The following ALG9 variants were observed in gnomAD, a reference collection of about 807,000 sequenced individuals.
ALG9 encodes alpha-1,2-mannosyltransferase ALG9.
ALG9 carries 55 observed loss-of-function variants against 81.8 expected under a neutral mutation model. That is an observed-to-expected ratio of 0.67 (90% confidence interval 0.54 to 0.84). The LOEUF (loss-of-function observed/expected upper bound fraction) is 0.84, where lower values mean the gene tolerates loss of function less well. Among genes scored for constraint, ALG9 ranks in the 40% least tolerant of loss-of-function variants. The probability of loss-of-function intolerance (pLI) is 0.00; values close to 1 mark genes in which losing one functional copy is unlikely to be tolerated. For synonymous variants in ALG9, 278 were observed against 274.3 expected (o/e 1.01, Z -0.13); for missense variants, 629 against 745.0 (o/e 0.84, Z 1.81).
At chr11:111,775,595 T>TA in the ALG9 span, among the ~76,000 whole-genome samples, 3 of 152,050 alleles carry the variant, frequency 2.0e-5, no homozygotes, top group Admixed American at 1.3e-4. Context: ...AAGAAGGTGA[T>TA]AAAAAACTGA....
At chr11:111,811,901 C>G (rs1448538628) in intron 13 of ALG9, among the ~76,000 whole-genome samples, 1 of 151,960 alleles carries the variant, frequency 6.6e-6, no homozygotes, top group African/African-American at 2.4e-5. Flanking sequence ...TAATAAAAAT[C>G]TTCTAAACTT....
chr11:111,831,455 G>A (rs1954363176), intron 13 of ALG9, among the ~76,000 whole-genome samples: 1 of 152,128 alleles, frequency 6.6e-6, no homozygotes, highest in African/African-American at 2.4e-5. Flanking sequence ...CTATGATGAT[G>A]ACACTGCACT....
intron 8 of ALG9, among the ~76,000 whole-genome samples, chr11:111,852,959 A>T (rs1958063894): frequency 6.6e-6 from 1 of 151,196 alleles, no homozygotes; most frequent in Admixed American, 6.6e-5. Context: ...AAAAAAAAAA[A>T]TGTCTGGGGT....
chr11:111,836,682 T>C (rs888203710), intron 12 of ALG9: 1 of 264,110 alleles, frequency 3.8e-6, no homozygotes, highest in South Asian at 4.2e-5. Context: ...GAACACACTA[T>C]GGGAGAAATA....
chr11:111,786,570 C>T, intron 14 of ALG9, 50 bp from the exon 15 acceptor site: 2 of 1,577,568 alleles, frequency 1.3e-6, no homozygotes, highest in Non-Finnish European at 1.7e-6. Context: ...GGAGAATTTA[C>T]TAATGGTACT....
intron 13 of ALG9, among the ~76,000 whole-genome samples, chr11:111,813,545 T>C (rs1951047439): frequency 6.6e-6 from 1 of 152,070 alleles, no homozygotes; most frequent in Non-Finnish European, 1.5e-5. Flanking sequence ...GAGGTTGCAG[T>C]GAGTCAAAAA....
At chr11:111,858,175 T>C (rs1205396947) in intron 5 of ALG9, among the ~76,000 whole-genome samples, 1 of 152,158 alleles carries the variant, frequency 6.6e-6, no homozygotes, top group East Asian at 1.9e-4. Flanking sequence ...GACCTCGTGA[T>C]CTGCCTGTCT....
chr11:111,866,695 C>G (rs1177010980), intron 3 of ALG9, among the ~76,000 whole-genome samples: 1 of 151,246 alleles, frequency 6.6e-6, no homozygotes, highest in East Asian at 1.9e-4. Flanking sequence ...TGAAGTGATA[C>G]TAGATAGCCA....
intron 14 of ALG9, among the ~76,000 whole-genome samples, chr11:111,790,404 G>C (rs1448093164): frequency 6.6e-6 from 1 of 152,168 alleles, no homozygotes; most frequent in African/African-American, 2.4e-5. Context: ...GTACATGAAA[G>C]AATTGCTTGG....
intron 14 of ALG9, among the ~76,000 whole-genome samples, chr11:111,795,503 G>A (rs1555074543): frequency 1.3e-5 from 2 of 152,320 alleles, no homozygotes; most frequent in African/African-American, 4.8e-5. Context: ...ATACCCCGCA[G>A]GTGGCCGTTT....
In ALG9 at chr11:111,870,137, G is replaced by A. The variant is rs149310071; in HGVS notation, c.270+95C>T. 522 of 1,277,702 alleles carry A rather than the reference G, an allele frequency of 4.1e-4. 3 individuals carry two copies. In the African/African-American group the frequency reaches 7.4e-3, roughly 18 times the overall value. 79.1% of individuals were successfully genotyped at this position (1,277,702 alleles called of 1,614,324 possible). A position where few individuals can be genotyped will look rare whatever the true frequency, so the allele number is the denominator to read the frequency against. On this transcript the variant is annotated intron_variant, in intron 2 of 14. Coordinates refer to ENST00000616540, the MANE Select transcript of ALG9 (RefSeq NM_024740.2). ...TTAAGAAAATACAGTTATTTTACTAGGAGTCACACTTGTATATTATTTGTC... is the reference window on the plus strand; with the variant it reads ...TTAAGAAAATACAGTTATTTTACTAAGAGTCACACTTGTATATTATTTGTC...
At chr11:111,856,705 A>T (rs1477828214) in intron 6 of ALG9, among the ~76,000 whole-genome samples, 1 of 151,490 alleles carries the variant, frequency 6.6e-6, no homozygotes. Flanking sequence ...TTCCTAAATT[A>T]CCTGTGGTAC....
At chr11:111,772,782 C>T in the ALG9 span, among the ~76,000 whole-genome samples, 1 of 152,170 alleles carries the variant, frequency 6.6e-6, no homozygotes, top group Non-Finnish European at 1.5e-5. Flanking sequence ...AAAGGACCCA[C>T]ATGAAAGAAT....
chr11:111,839,142 T>C (rs916671528), intron 10 of ALG9, among the ~76,000 whole-genome samples: 1 of 152,188 alleles, frequency 6.6e-6, no homozygotes, highest in Admixed American at 6.5e-5. Context: ...ACCTAAATTC[T>C]ACCATGAATT....
intron 9 of ALG9, among the ~76,000 whole-genome samples, chr11:111,843,421 ACT>A (rs139030059): frequency 1.3e-5 from 2 of 152,336 alleles, no homozygotes; most frequent in East Asian, 3.9e-4. Flanking sequence ...TTAAGAAATT[ACT>A]GATAATTTTA....
At chr11:111,792,251 C>T (rs1175859415) in intron 14 of ALG9, among the ~76,000 whole-genome samples, 1 of 152,170 alleles carries the variant, frequency 6.6e-6, no homozygotes, top group Non-Finnish European at 1.5e-5. Context: ...TGCCCTCCCC[C>T]ACAAAACACA....
chr11:111,796,837 C>CA (rs1486852012), intron 14 of ALG9, among the ~76,000 whole-genome samples: 2 of 152,054 alleles, frequency 1.3e-5, no homozygotes, highest in East Asian at 3.9e-4. Context: ...AGGGAAAAAA[C>CA]AAAAAACTCC....
At chr11:111,776,195 TA>T in the ALG9 span, among the ~76,000 whole-genome samples, 70 of 151,596 alleles carry the variant, frequency 4.6e-4, no homozygotes, top group South Asian at 1.7e-3. Flanking sequence ...AAAAAATAAA[TA>T]AAAATAAAAA....
Position 111,809,766 on chromosome 11 carries a change from A to G in ALG9, c.1610T>C (p.Ile537Thr), listed in dbSNP as rs369539270. ...ATCCACTAAATAATGGCATTTACTG[A>G]TATCAATCTGAAATGGAGAAAGGCC... ...NLEEPSRYIDISKCHYLVDLD... is the reference protein window; with the variant it reads ...NLEEPSRYIDTSKCHYLVDLD... The change falls in exon 14 of 15, where the codon ATC becomes ACC. Residue 537 changes from isoleucine to threonine, a missense_variant. This residue lies in a region of ALG9 where 264 missense variants were observed against 302.2 expected (regional missense o/e 0.87). Coordinates refer to ENST00000616540, the MANE Select transcript of ALG9 (RefSeq NM_024740.2). 6.8e-6 allele frequency: 11 copies of G among 1,613,880 alleles called. No homozygotes were observed. The highest frequency in any genetic ancestry group is 2.7e-5 in the African/African-American group (2 of 74,904).
Sources: allele counts gnomAD v4.1 joint callset (sites outside exome capture counted in the v4.1 genomes callset), GRCh38; gene constraint gnomAD v4.1.1; regional missense constraint gnomAD v4.1.1; transcripts MANE v1.5; gene names NCBI Gene and HGNC (gene_info 2026-07-23, HGNC 2026-07-21).